Variants in KDM4C observed in about 807,000 individuals in gnomAD.
KDM4C encodes lysine-specific demethylase 4C.
KDM4C carries 81 observed loss-of-function variants against 129.3 expected under a neutral mutation model. The observed-to-expected ratio is 0.63, with a 90% CI of 0.52 to 0.75. The LOEUF (loss-of-function observed/expected upper bound fraction) is 0.75. Among genes scored for constraint, KDM4C ranks in the 30% least tolerant of loss-of-function variants. The pLI, the probability that KDM4C is intolerant of heterozygous loss-of-function variation, is 0.00. For missense variants in KDM4C, 1,457 were observed against 1,304.0 expected (o/e 1.12, Z -1.81); for synonymous variants, 573 against 456.1 (o/e 1.26, Z -3.26).
chr9:7,063,871 C>A (rs1587378494), intron 17 of KDM4C, among the ~76,000 whole-genome samples: 1 of 152,118 alleles, frequency 6.6e-6, no homozygotes, highest in South Asian at 2.1e-4. Flanking sequence ...GGTCTAGGAA[C>A]TGAAATTTCA....
At chr9:6,880,376 C>A (rs1279240391) in intron 6 of KDM4C, among the ~76,000 whole-genome samples, 1 of 152,264 alleles carries the variant, frequency 6.6e-6, no homozygotes, top group African/African-American at 2.4e-5. Context: ...ATGCATTCAA[C>A]GTCATTGTGC....
At chr9:7,156,855 T>G (rs1038447288) in intron 19 of KDM4C, among the ~76,000 whole-genome samples, 2 of 152,268 alleles carry the variant, frequency 1.3e-5, no homozygotes, top group African/African-American at 2.4e-5. Context: ...TGGTTCCATA[T>G]GAACTTTAAA....
intron 2 of KDM4C, among the ~76,000 whole-genome samples, chr9:6,796,736 TA>T (rs2130916216): frequency 6.6e-6 from 1 of 152,370 alleles, no homozygotes; most frequent in South Asian, 2.1e-4. Context: ...AATCCTGTGA[TA>T]ATTTCCTATT....
rs913780155 is a variant in KDM4C at position 7,022,652 on chromosome 9, G to C, written c.2259+6723G>C. Among the ~76,000 whole-genome samples, 6 of 57,696 alleles carry C rather than the reference G, an allele frequency of 1.0e-4. 1 individual carries two copies. The highest frequency in any genetic ancestry group is 8.4e-4 in the Admixed American group (5 of 5,928). 37.9% of individuals were successfully genotyped at this position (57,696 alleles called of 152,430 possible). On this transcript the variant is annotated intron_variant, in intron 15 of 21. Transcript: ENST00000381309. ...CCCTTTATTTCTTTTTTTTTTTTTT[G>C]TCTGATTACGCTGGCTAGGATTTCC... is the stretch of plus-strand genomic sequence containing the variant.
At chr9:6,890,030 C>G (rs946515182) in intron 7 of KDM4C, among the ~76,000 whole-genome samples, 1 of 152,156 alleles carries the variant, frequency 6.6e-6, no homozygotes, top group Non-Finnish European at 1.5e-5. Flanking sequence ...TGGTGAAACA[C>G]CAGTGACTTT....
intron 19 of KDM4C, among the ~76,000 whole-genome samples, chr9:7,154,518 C>T (rs771928064): frequency 6.6e-6 from 1 of 152,136 alleles, no homozygotes; most frequent in Admixed American, 6.5e-5. Flanking sequence ...CTAGGGATCC[C>T]TTTAGAAGGG....
chr9:7,112,726 G>A (rs1838467318), intron 18 of KDM4C, among the ~76,000 whole-genome samples: 1 of 152,112 alleles, frequency 6.6e-6, no homozygotes, highest in Admixed American at 6.5e-5. Flanking sequence ...TTCGTCTGGA[G>A]CTCACTTCCA....
intron 17 of KDM4C, among the ~76,000 whole-genome samples, chr9:7,058,273 A>AT (rs1831149375): frequency 5.1e-5 from 3 of 59,312 alleles, no homozygotes; most frequent in Middle Eastern, 5.8e-3. Flanking sequence ...TACTGTTTCC[A>AT]ACCCTTTTCA....
At chr9:6,857,848 G>A (rs894952810) in intron 5 of KDM4C, among the ~76,000 whole-genome samples, 9 of 150,432 alleles carry the variant, frequency 6.0e-5, no homozygotes, top group East Asian at 5.8e-4. Context: ...TCTGCCTCCC[G>A]GGCTCAAGCG....
In KDM4C at chr9:7,129,313, A is replaced by G. The variant is rs73403354; in HGVS notation, c.2781+1077A>G. ...TGATTCAGTTAGTTTTGTTATACTT[A>G]CCTCTCTCTATGCTGGTAAGAATGG... On this transcript the variant is annotated intron_variant, in intron 19 of 21. Coordinates refer to ENST00000381309, the MANE Select transcript of KDM4C (RefSeq NM_015061.6). Among the ~76,000 whole-genome samples the G allele has an allele frequency of 7.9e-3, 1,196 of 152,282 alleles. 12 individuals carry two copies. Among genetic ancestry groups the G allele is most frequent in the African/African-American group, 0.027 (1,119 of 41,552 alleles).
intron 17 of KDM4C, among the ~76,000 whole-genome samples, chr9:7,089,431 A>G (rs905390548): frequency 2.6e-5 from 4 of 152,202 alleles, no homozygotes; most frequent in African/African-American, 9.7e-5. Flanking sequence ...AAAGGAAATA[A>G]TAAGTTGGAA....
chr9:6,820,312 T>G (rs771470595), intron 4 of KDM4C, among the ~76,000 whole-genome samples: 1 of 152,088 alleles, frequency 6.6e-6, no homozygotes, highest in Non-Finnish European at 1.5e-5. Flanking sequence ...GCTAGGTAAA[T>G]TGAAGGGTGA....
At chr9:6,856,951 G>A (rs1171829787) in intron 5 of KDM4C, among the ~76,000 whole-genome samples, 7 of 152,100 alleles carry the variant, frequency 4.6e-5, no homozygotes, top group Admixed American at 3.9e-4. Flanking sequence ...TAGAGACGGG[G>A]TTTCACCGTG....
Position 6,889,252 on chromosome 9 carries a change from G to GT in KDM4C, c.783+1189_783+1190insT, listed in dbSNP as rs747649175. Among the ~76,000 whole-genome samples, 400 of 74,588 alleles carry GT rather than the reference G, an allele frequency of 5.4e-3. 1 individual carries two copies. The highest frequency in any genetic ancestry group is 0.013 in the Middle Eastern group (2 of 154). The allele number at this position is 74,588 out of a possible 152,430, so 48.9% of individuals were successfully genotyped here. A position where few individuals can be genotyped will look rare whatever the true frequency, so the allele number is the denominator to read the frequency against. On this transcript the variant is annotated intron_variant, in intron 7 of 21. Coordinates refer to ENST00000381309, the MANE Select transcript of KDM4C (RefSeq NM_015061.6). Reference sequence around the variant, plus strand: ...GTGTGTGTGTGTGTGTGTGTGTGTGGGAGGGTGGGGGGGATTTGTTCAAAG... The same window carrying GT: ...GTGTGTGTGTGTGTGTGTGTGTGTGGTGAGGGTGGGGGGGATTTGTTCAAAG...
chr9:6,876,264 G>A (rs938091121), intron 5 of KDM4C, among the ~76,000 whole-genome samples: 4 of 152,148 alleles, frequency 2.6e-5, no homozygotes, highest in African/African-American at 9.7e-5. Flanking sequence ...CCAAAAGGCC[G>A]AGAAGTGATT....
At chr9:6,802,701 C>G (rs1429245258) in intron 2 of KDM4C, among the ~76,000 whole-genome samples, 1 of 152,138 alleles carries the variant, frequency 6.6e-6, no homozygotes, top group Non-Finnish European at 1.5e-5. Flanking sequence ...GATCTCAGCT[C>G]ACTGCAACAA....
intron 14 of KDM4C, chr9:7,014,211 AG>A (rs1823226078): frequency 2.1e-6 from 1 of 475,894 alleles, no homozygotes; most frequent in South Asian, 3.9e-5. Context: ...CGTGGAGAGC[AG>A]GTCTGGTTTT....
At chr9:6,994,856 A>C (rs1360959919) in intron 12 of KDM4C, among the ~76,000 whole-genome samples, 1 of 152,210 alleles carries the variant, frequency 6.6e-6, no homozygotes, top group Non-Finnish European at 1.5e-5. Context: ...ACAGAATTGA[A>C]AATCTCTCTA....
chr9:6,897,567 T>A (rs1166840696), intron 8 of KDM4C, among the ~76,000 whole-genome samples: 1 of 152,096 alleles, frequency 6.6e-6, no homozygotes, highest in Non-Finnish European at 1.5e-5. Context: ...TGAAAAAAAT[T>A]GAGAGTGATG....
Sources: gnomAD v4.1 joint callset for allele counts (sites outside exome capture counted in the v4.1 genomes callset) on GRCh38, gnomAD v4.1.1 for gene constraint, MANE v1.5 for transcripts, NCBI Gene and HGNC (gene_info 2026-07-23, HGNC 2026-07-21) for gene names.